The following SUSD4 variants were observed in gnomAD, a reference collection of about 807,000 sequenced individuals.
SUSD4 encodes the protein sushi domain-containing protein 4.
A neutral mutation model predicts 50.5 loss-of-function variants in SUSD4; 41 were observed. The ratio of observed to expected loss-of-function variants is 0.81; its 90% CI spans 0.63 to 1.05. The LOEUF is 1.05. Ranked by LOEUF, SUSD4 falls within the 50% of genes least tolerant of loss-of-function variation. The pLI, the probability that SUSD4 is intolerant of heterozygous loss-of-function variation, is 0.00. For synonymous variants in SUSD4, 257 were observed against 257.3 expected (o/e 1.00, Z 0.01); for missense variants, 580 against 634.7 (o/e 0.91, Z 0.93).
chr1:223,347,470 T>C (rs1170062706), intron 2 of SUSD4, among the ~76,000 whole-genome samples: 1 of 152,146 alleles, frequency 6.6e-6, no homozygotes. Flanking sequence ...CATTCCTGAA[T>C]GCCACAACCC....
intron 2 of SUSD4, among the ~76,000 whole-genome samples, chr1:223,353,313 T>C (rs1668469763): frequency 6.6e-6 from 1 of 152,122 alleles, no homozygotes. Context: ...CCTCCCTTTG[T>C]AATTAGGGAG....
intron 2 of SUSD4, among the ~76,000 whole-genome samples, chr1:223,295,882 T>C (rs1664790191): frequency 6.6e-6 from 1 of 151,232 alleles, no homozygotes; most frequent in Admixed American, 6.6e-5. Context: ...AGGGAAGTGA[T>C]TACGATCAGA....
chr1:223,289,287 G>A, intron 3 of SUSD4: 1 of 985,444 alleles, frequency 1.0e-6, no homozygotes, highest in Non-Finnish European at 1.2e-6. Flanking sequence ...GCTTGAAGAA[G>A]CACAGACATC....
chr1:223,273,223 C>T (rs555148607), intron 3 of SUSD4, among the ~76,000 whole-genome samples: 1 of 152,196 alleles, frequency 6.6e-6, no homozygotes, highest in African/African-American at 2.4e-5. Flanking sequence ...ATATAGTGAC[C>T]AAGAAGGGGA....
intron 3 of SUSD4, among the ~76,000 whole-genome samples, chr1:223,283,125 A>G (rs1663869726): frequency 6.6e-6 from 1 of 152,224 alleles, no homozygotes; most frequent in Non-Finnish European, 1.5e-5. Context: ...AACCATAAAA[A>G]CCGTAGAAGA....
chr1:223,357,180 C>T (rs376183088), intron 2 of SUSD4, among the ~76,000 whole-genome samples: 20 of 152,202 alleles, frequency 1.3e-4, no homozygotes, highest in African/African-American at 4.1e-4. Flanking sequence ...TACCATTCAC[C>T]ATTCAGAGCC....
chr1:223,299,454 G>A (rs1449519147), intron 2 of SUSD4, among the ~76,000 whole-genome samples: 1 of 152,156 alleles, frequency 6.6e-6, no homozygotes, highest in Non-Finnish European at 1.5e-5. Flanking sequence ...GGGAGGAGAA[G>A]AAAACATTCC....
chr1:223,316,216 C>T (rs763588471), intron 2 of SUSD4, among the ~76,000 whole-genome samples: 4 of 152,076 alleles, frequency 2.6e-5, no homozygotes, highest in Admixed American at 2.0e-4. Context: ...AAGGTAGGGG[C>T]ATGGGGATGG....
Position 223,310,956 on chromosome 1 carries a change from T to C in SUSD4, c.149-18305A>G, listed in dbSNP as rs543053906. Among the ~76,000 whole-genome samples, 454 of 152,286 alleles carry C rather than the reference T, an allele frequency of 3.0e-3. 2 individuals carry two copies. Among genetic ancestry groups the C allele is most frequent in the African/African-American group, 0.01 (426 of 41,566 alleles). On this transcript the variant is annotated intron_variant, in intron 2 of 8. Coordinates refer to ENST00000366878, the MANE Select transcript of SUSD4 (RefSeq NM_017982.4). ...CATAATGTCCCTTTAGTGCCCCCTC[T>C]AAATCATCTCCCTGCCTGAGAAGTG...
chr1:223,263,601 G>A (rs910377182), intron 5 of SUSD4: 1 of 985,202 alleles, frequency 1.0e-6, no homozygotes, highest in Non-Finnish European at 1.2e-6. Context: ...TGGCCTTCTG[G>A]CTCCCTTCCC....
At chr1:223,286,416 A>AT (rs1558216065) in intron 3 of SUSD4, among the ~76,000 whole-genome samples, 1 of 151,372 alleles carries the variant, frequency 6.6e-6, no homozygotes, top group Non-Finnish European at 1.5e-5. Context: ...CACCTGGCCA[A>AT]TTTTTTGTAT....
intron 5 of SUSD4, among the ~76,000 whole-genome samples, chr1:223,258,324 T>C (rs994403613): frequency 3.9e-5 from 6 of 152,218 alleles, no homozygotes; most frequent in Admixed American, 1.3e-4. Flanking sequence ...TTTCAAGTCA[T>C]TTCACATTTG....
intron 3 of SUSD4, among the ~76,000 whole-genome samples, chr1:223,290,261 T>A (rs2103141921): frequency 6.6e-6 from 1 of 152,322 alleles, no homozygotes; most frequent in East Asian, 1.9e-4. Flanking sequence ...TTCTGAAAGT[T>A]TAGCTTTTTC....
intron 3 of SUSD4, among the ~76,000 whole-genome samples, chr1:223,278,991 C>G (rs1329065709): frequency 6.6e-6 from 1 of 152,206 alleles, no homozygotes; most frequent in Non-Finnish European, 1.5e-5. Flanking sequence ...CTCCAACAGA[C>G]CTGTAGCTGT....
intron 3 of SUSD4, among the ~76,000 whole-genome samples, chr1:223,285,470 T>A (rs1664076559): frequency 6.6e-6 from 1 of 152,158 alleles, no homozygotes; most frequent in African/African-American, 2.4e-5. Flanking sequence ...CAGATTCAAC[T>A]GTACTGACAA....
intron 5 of SUSD4, among the ~76,000 whole-genome samples, chr1:223,254,247 T>C (rs1039625766): frequency 3.9e-5 from 6 of 152,170 alleles, no homozygotes; most frequent in African/African-American, 1.4e-4. Flanking sequence ...GGTGATCTCT[T>C]CATTTCTTGA....
chr1:223,317,575 G>C (rs370095771), intron 2 of SUSD4, among the ~76,000 whole-genome samples: 5 of 152,110 alleles, frequency 3.3e-5, no homozygotes, highest in Non-Finnish European at 5.9e-5. Context: ...GTCTTTGGAC[G>C]TTCTTGTGTC....
chr1:223,244,843 C>A (rs531842474), intron 5 of SUSD4, among the ~76,000 whole-genome samples: 4 of 152,190 alleles, frequency 2.6e-5, no homozygotes, highest in African/African-American at 9.7e-5. Flanking sequence ...AAACTGCTCA[C>A]GTTACATCTA....
chr1:223,242,166 C>A (rs891468895), intron 5 of SUSD4, among the ~76,000 whole-genome samples: 2 of 152,158 alleles, frequency 1.3e-5, no homozygotes, highest in Non-Finnish European at 2.9e-5. Flanking sequence ...TGGTCTTGAA[C>A]TCCTAGGCTC....
Sources: allele counts gnomAD v4.1 joint callset (sites outside exome capture counted in the v4.1 genomes callset), GRCh38; gene constraint gnomAD v4.1.1; transcripts MANE v1.5; gene names NCBI Gene and HGNC (gene_info 2026-07-23, HGNC 2026-07-21).